DOCK4: variants seen among roughly 807,000 people sequenced by gnomAD.
DOCK4 encodes dedicator of cytokinesis 4, also known as dedicator of cytokinesis protein 4.
DOCK4 carries 97 observed loss-of-function variants against 268.1 expected under a neutral mutation model. The ratio of observed to expected loss-of-function variants is 0.36; its 90% CI spans 0.31 to 0.43. DOCK4 has a LOEUF of 0.43. Ranked by LOEUF, DOCK4 falls within the 20% of genes least tolerant of loss-of-function variation. The probability of loss-of-function intolerance (pLI) is 1.00; values close to 1 mark genes in which losing one functional copy is unlikely to be tolerated. For synonymous variants in DOCK4, 954 were observed against 887.2 expected (o/e 1.08, Z -1.34); for missense variants, 2,145 against 2,455.7 (o/e 0.87, Z 2.67).
At chr7:112,108,083 A>C (rs374597473) in intron 1 of DOCK4, among the ~76,000 whole-genome samples, 3 of 152,346 alleles carry the variant, frequency 2.0e-5, no homozygotes, top group African/African-American at 4.8e-5. Context: ...TTGTAAGAAA[A>C]ACACACACAA....
At chr7:111,964,145 G>C (rs1245197095) in intron 8 of DOCK4, among the ~76,000 whole-genome samples, 2 of 147,224 alleles carry the variant, frequency 1.4e-5, no homozygotes, top group Non-Finnish European at 3.0e-5. Flanking sequence ...CTAAAACGCA[G>C]AGCGCCTCTC....
intron 1 of DOCK4, among the ~76,000 whole-genome samples, chr7:112,160,183 C>A (rs1225112849): frequency 6.6e-6 from 1 of 152,148 alleles, no homozygotes; most frequent in Non-Finnish European, 1.5e-5. Context: ...AGCAAGGGCT[C>A]CAAGTATATC....
intron 12 of DOCK4, among the ~76,000 whole-genome samples, chr7:111,916,210 C>A (rs780582621): frequency 6.6e-6 from 1 of 151,998 alleles, no homozygotes; most frequent in Non-Finnish European, 1.5e-5. Context: ...CACGTTCCTG[C>A]GCCAACACTT....
At chr7:111,948,044 A>T (rs7800220) in intron 8 of DOCK4, among the ~76,000 whole-genome samples, 37,776 of 152,076 alleles carry the variant, frequency 0.25, 6,086 homozygotes, top group African/African-American at 0.46. Flanking sequence ...AAATTTAAAA[A>T]CAATGAAAAG....
At chr7:111,729,673 A>T (rs1021793750) in intron 52 of DOCK4, among the ~76,000 whole-genome samples, 1 of 152,180 alleles carries the variant, frequency 6.6e-6, no homozygotes, top group East Asian at 1.9e-4. Flanking sequence ...TGGGGGCGCT[A>T]TTCACTTTCC....
chr7:111,951,316 G>C (rs770880030), intron 8 of DOCK4, among the ~76,000 whole-genome samples: 2 of 152,110 alleles, frequency 1.3e-5, no homozygotes, highest in Non-Finnish European at 2.9e-5. Context: ...CCTCACCACA[G>C]TAGGAGGTGG....
chr7:112,041,915 A>T (rs1405488626), intron 1 of DOCK4, among the ~76,000 whole-genome samples: 3 of 152,150 alleles, frequency 2.0e-5, no homozygotes, highest in Admixed American at 6.5e-5. Flanking sequence ...CACTGGAATG[A>T]GAGTGTCAGC....
At chr7:111,943,407 CTTGGAGAAAG>C (rs747546833) in intron 10 of DOCK4, among the ~76,000 whole-genome samples, 7 of 152,170 alleles carry the variant, frequency 4.6e-5, no homozygotes, top group Non-Finnish European at 8.8e-5. Flanking sequence ...CCATAGATAT[CTTGGAGAAAG>C]TTCTGAAAGC....
intron 1 of DOCK4, among the ~76,000 whole-genome samples, chr7:112,195,688 T>C (rs1481070707): frequency 2.0e-5 from 3 of 151,248 alleles, no homozygotes; most frequent in Non-Finnish European, 2.9e-5. Context: ...GATGAGATTA[T>C]TCCATTTTGG....
Position 111,844,784 on chromosome 7 carries a change from C to G in DOCK4, c.2715G>C (p.Arg905=). 1 of 1,613,456 alleles carries G rather than the reference C, an allele frequency of 6.2e-7. No individual in the cohort carries two copies. The part of the protein sequence containing the change: ...SRPQPSSSAM[R]FQFQDVTGEF... ...TTACAGTGACATCCTGGAACTGGAA[C>G]CGCATTGCTGAGCTGGATGGCTGAG... Residue 905 remains arginine, a synonymous_variant, in exon 25 of 53, where the codon CGG becomes CGC. Transcript: ENST00000428084.
chr7:112,008,760 G>T lies in DOCK4; in HGVS notation c.38-4629C>A, dbSNP rs150891545. ...TGTAATCCCAGCACTTTGCGGGGCC[G>T]AGGCAGGCAGATCACTTGAGGTCAG... On this transcript the variant is annotated intron_variant, in intron 1 of 52. Coordinates refer to ENST00000428084, the MANE Select transcript of DOCK4 (RefSeq NM_001363540.2). Among the ~76,000 whole-genome samples the T allele has an allele frequency of 2.1e-3, 325 of 152,348 alleles. 2 individuals are homozygous for T. The highest frequency in any genetic ancestry group is 7.5e-3 in the African/African-American group (311 of 41,584).
intron 1 of DOCK4, among the ~76,000 whole-genome samples, chr7:112,099,179 C>T (rs1810435285): frequency 6.6e-6 from 1 of 151,644 alleles, no homozygotes; most frequent in Non-Finnish European, 1.5e-5. Flanking sequence ...GTAGTCCCAA[C>T]TACTTGGGAG....
chr7:111,996,028 G>C (rs1339904375), intron 4 of DOCK4, among the ~76,000 whole-genome samples: 3 of 152,178 alleles, frequency 2.0e-5, no homozygotes, highest in Non-Finnish European at 4.4e-5. Flanking sequence ...AATATTTGGA[G>C]ATGGAGATTA....
At chr7:112,010,608 G>T (rs1192151963) in intron 1 of DOCK4, among the ~76,000 whole-genome samples, 2 of 152,144 alleles carry the variant, frequency 1.3e-5, no homozygotes, top group African/African-American at 2.4e-5. Flanking sequence ...CACATGTTTG[G>T]GATCTGCCTT....
chr7:112,032,165 A>G (rs548058687), intron 1 of DOCK4, among the ~76,000 whole-genome samples: 2 of 152,340 alleles, frequency 1.3e-5, no homozygotes, highest in Admixed American at 6.5e-5. Flanking sequence ...CAATGTGTAC[A>G]TCATCTTGGA....
intron 30 of DOCK4, among the ~76,000 whole-genome samples, chr7:111,804,547 A>C (rs1800532420): frequency 1.3e-5 from 2 of 152,134 alleles, no homozygotes; most frequent in Admixed American, 6.5e-5. Flanking sequence ...AATATACTTA[A>C]TATCACTGAG....
chr7:111,906,946 T>C (rs574311403), intron 13 of DOCK4, among the ~76,000 whole-genome samples: 6 of 152,254 alleles, frequency 3.9e-5, no homozygotes, highest in Admixed American at 2.0e-4. Context: ...ACACGGTAAA[T>C]GTATGTTGTT....
intron 34 of DOCK4, 101 bp downstream of exon 34, chr7:111,783,756 T>C: frequency 9.6e-7 from 1 of 1,040,212 alleles, no homozygotes; most frequent in Non-Finnish European, 1.4e-6. Context: ...GATAATCAAT[T>C]GAGTGATTCA....
intron 1 of DOCK4, among the ~76,000 whole-genome samples, chr7:112,109,910 AATTT>A (rs1811491232): frequency 6.7e-6 from 1 of 148,562 alleles, no homozygotes; most frequent in South Asian, 2.1e-4. Context: ...ACGCCCGGCT[AATTT>A]TTTTGTGTTT....
Sources: gnomAD v4.1 joint callset for allele counts (sites outside exome capture counted in the v4.1 genomes callset) on GRCh38, gnomAD v4.1.1 for gene constraint, MANE v1.5 for transcripts, NCBI Gene and HGNC (gene_info 2026-07-23, HGNC 2026-07-21) for gene names.